The following PLCD3 variants were observed in gnomAD, a reference collection of about 807,000 sequenced individuals.
PLCD3 encodes 1-phosphatidylinositol 4,5-bisphosphate phosphodiesterase delta-3.
PLCD3 carries 62 observed loss-of-function variants against 82.8 expected under a neutral mutation model. The ratio of observed to expected loss-of-function variants is 0.75; its 90% CI spans 0.61 to 0.93. PLCD3 has a LOEUF of 0.93. PLCD3 is among the 40% of genes least tolerant of loss of function. The pLI is 0.00. For missense variants in PLCD3, 1,023 were observed against 1,103.4 expected, an observed-to-expected ratio of 0.93 and a Z score of 1.03; for synonymous variants, 478 against 471.8, an observed-to-expected ratio of 1.01 and a Z score of -0.17.
chr17:45,115,371 C>T lies in PLCD3; in HGVS notation c.1533G>A (p.Glu511=). The T allele has an allele frequency of 3.2e-6, 5 of 1,585,300 alleles. No homozygotes were observed. The highest frequency in any genetic ancestry group is 4.3e-6 in the Non-Finnish European group (5 of 1,167,052). The change falls in exon 9 of 15, where the codon GAG becomes GAA. Residue 511 remains glutamate, a synonymous_variant. Transcript: ENST00000619929. ...GCCGCCTCTGCGCTGCAGCCTCCAC[C>T]TCCTCTTCTTCCTCCTCGTCATCCT... ...EEEDDEEEEE[E]VEAAAQRRLA...
Position 45,118,761 on chromosome 17 carries a change from G to C in PLCD3, c.913+54C>G. 1 of 1,543,294 alleles carries C rather than the reference G, an allele frequency of 6.5e-7. No individual in the cohort carries two copies. The highest frequency in any genetic ancestry group is 1.8e-5 in the Admixed American group (1 of 54,204). ...GCCAGCCCGCAGCAGAACCCGCTTA[G>C]CTGGGAACACAGCCCTTTCAGGTGC... is the stretch of plus-strand genomic sequence containing the variant. On this transcript the variant is annotated intron_variant, in intron 5 of 14. Transcript: ENST00000619929. This position sits in a 1 kb window ranked among gnomAD's most constrained non-coding sequence, Gnocchi z 4.1.
At chr17:45,114,459 C>G (rs571221995) in intron 10 of PLCD3, 93 bp from the exon 11 acceptor site, 1 of 965,540 alleles carries the variant, frequency 1.0e-6, no homozygotes. Context: ...AGCCCAAGCC[C>G]GTCCCCAGGT....
At chr17:45,115,018 C>G in intron 10 of PLCD3, 76 bp downstream of exon 10, 1 of 1,520,426 alleles carries the variant, frequency 6.6e-7, no homozygotes, top group Non-Finnish European at 8.8e-7. Context: ...CCAAAGCCCC[C>G]TCAACTCCTT....
chr17:45,112,743 C>T, intron 14 of PLCD3, 39 bp from the exon 15 acceptor site: 1 of 1,592,220 alleles, frequency 6.3e-7, no homozygotes, highest in Non-Finnish European at 8.6e-7. Context: ...CCTCTGTGCA[C>T]CCTGGGGGTC....
In PLCD3 at chr17:45,110,607, C is replaced by G. The variant is rs1466296331; in HGVS notation, c.*2009G>C. 6.6e-6 allele frequency: 1 copy of G among 152,232 alleles called. No homozygotes were observed. 9.4% of individuals were successfully genotyped at this position (152,232 alleles called of 1,614,324 possible). Reference sequence around the variant, plus strand: ...CTGGTGCTCACCTGACCCAGACCCCCCAGCCAGCCCCTGGCCAGACCTGGC... The same window carrying G: ...CTGGTGCTCACCTGACCCAGACCCCGCAGCCAGCCCCTGGCCAGACCTGGC... On this transcript the variant is annotated 3_prime_UTR_variant, in exon 15 of 15. Transcript: ENST00000619929.
chr17:45,120,966 C>T lies in PLCD3; in HGVS notation c.490G>A (p.Val164Met), dbSNP rs994997997. 7 of 1,521,898 alleles carry T rather than the reference C, an allele frequency of 4.6e-6. No individual in the cohort carries two copies. The highest frequency in any genetic ancestry group is 6.1e-6 in the Non-Finnish European group (7 of 1,141,788). 94.3% of individuals were successfully genotyped at this position (1,521,898 alleles called of 1,614,324 possible). Residue 164 changes from valine (V) to methionine (M), a missense_variant, in exon 3 of 15, where the codon GTG (valine) becomes ATG (methionine). Around this residue, in one of 3 missense-constraint regions of PLCD3, gnomAD observed 448 missense variants for 406.3 expected, o/e 1.10. Coordinates refer to ENST00000619929, the MANE Select transcript of PLCD3 (RefSeq NM_133373.5). Reference sequence around the variant, plus strand: ...GCGCGGAGCTTGGTCAGACCGCGCACCCAGCGCTGCGCTTCCTCAGCCGTG... The same window carrying T: ...GCGCGGAGCTTGGTCAGACCGCGCATCCAGCGCTGCGCTTCCTCAGCCGTG... ...APTAEEAQRW[V>M]RGLTKLRARL...
Position 45,109,650 on chromosome 17 carries a change from GCCC to G in PLCD3, c.*2963_*2965del, listed in dbSNP as rs1006625203. 1.3e-5 allele frequency: 2 copies of G among 152,382 alleles called. No homozygotes were observed. Among genetic ancestry groups the G allele is most frequent in the African/African-American group, 4.8e-5 (2 of 41,426 alleles). The allele number at this position is 152,382 out of a possible 1,614,324, so 9.4% of individuals were successfully genotyped here. A position where few individuals can be genotyped will look rare whatever the true frequency, so the allele number is the denominator to read the frequency against. ...ACAGGACCTGCCTGACCCCTCTAAA[GCCC>G]CCCAACCCTCCTGTCCCAAACCAAG... On this transcript the variant is annotated 3_prime_UTR_variant, in exon 15 of 15. Coordinates refer to ENST00000619929, the MANE Select transcript of PLCD3 (RefSeq NM_133373.5).
Position 45,113,006 on chromosome 17 carries a change from T to C in PLCD3, c.2138A>G (p.Asn713Ser). 2 of 1,605,172 alleles carry C rather than the reference T, an allele frequency of 1.2e-6. No individual in the cohort carries two copies. The highest frequency in any genetic ancestry group is 2.2e-5 in the East Asian group (1 of 44,770). ...CTGCAGGGTCTGCCCCCAGCGGGGGTTGAAGCCTAGGGCACAGGGATGGCA... is the reference window on the plus strand; with the variant it reads ...CTGCAGGGTCTGCCCCCAGCGGGGGCTGAAGCCTAGGGCACAGGGATGGCA... ...ETDYVLNNGF[N>S]PRWGQTLQFQ... The change falls in exon 14 of 15, where the codon AAC becomes AGC. Residue 713 changes from asparagine to serine, a missense_variant. By Grantham distance (46) the Asn-to-Ser change is conservative. Transcript: ENST00000619929.
At position 45,115,357 on chromosome 17, in the gene PLCD3, G is replaced by A. The variant is rs767836285; in HGVS notation, c.1547C>T (p.Ala516Val). 2.6e-6 allele frequency: 4 copies of A among 1,536,506 alleles called. No homozygotes were observed. Among genetic ancestry groups the A allele is most frequent in the East Asian group, 2.4e-5 (1 of 41,338 alleles). Residue 516 changes from alanine (A) to valine (V), a missense_variant, in exon 9 of 15, where the codon GCG becomes GTG. By Grantham distance (64) the Ala-to-Val change is moderately conservative (BLOSUM62 0). Transcript: ENST00000619929. ...CCCAGCTCTCACCAGCCGCCTCTGC[G>A]CTGCAGCCTCCACCTCCTCTTCTTC... Reference protein sequence around the residue: ...EEEEEEVEAAAQRRLAKQISP... With the variant: ...EEEEEEVEAAVQRRLAKQISP...
At chr17:45,131,491 G>A (rs2054445957) in intron 1 of PLCD3, among the ~76,000 whole-genome samples, 1 of 152,228 alleles carries the variant, frequency 6.6e-6, no homozygotes, top group African/African-American at 2.4e-5. Flanking sequence ...CCACCGGGGT[G>A]CCAGTCACAC....
At position 45,118,556 on chromosome 17, in the gene PLCD3, C is replaced by T. The variant is rs371570382; in HGVS notation, c.914-64G>A. On this transcript the variant is annotated intron_variant, in intron 5 of 14. Coordinates refer to ENST00000619929, the MANE Select transcript of PLCD3 (RefSeq NM_133373.5). This position sits in a 1 kb window ranked among gnomAD's most constrained non-coding sequence, Gnocchi z 4.1. ...GATCCCCCATGTCCAGCTTCCAATG[C>T]CCCCAAGGCCCACTCAGCTTAGGAA... The T allele has an allele frequency of 7.7e-6, 12 of 1,551,870 alleles. No individual in the cohort carries two copies. Among genetic ancestry groups the T allele is most frequent in the African/African-American group, 4.1e-5 (3 of 73,766 alleles).
intron 1 of PLCD3, among the ~76,000 whole-genome samples, chr17:45,124,222 C>T (rs888597214): frequency 3.9e-5 from 6 of 152,202 alleles, no homozygotes; most frequent in Non-Finnish European, 8.8e-5. Context: ...GGTGAGTCAC[C>T]GGGGCCTGCT....
At chr17:45,129,256 C>A (rs1189362186) in intron 1 of PLCD3, 1 of 152,270 alleles carries the variant, frequency 6.6e-6, no homozygotes, top group Non-Finnish European at 1.5e-5. Flanking sequence ...GAGTTCAAGA[C>A]CAGCCTGGAC....
Position 45,118,454 on chromosome 17 carries a change from T to C in PLCD3, c.952A>G (p.Met318Val). The C allele has an allele frequency of 1.9e-6, 3 of 1,613,928 alleles. No individual in the cohort carries two copies. Among genetic ancestry groups the C allele is most frequent in the African/African-American group, 1.3e-5 (1 of 75,014 alleles). The change falls in exon 6 of 15, where the codon ATG (methionine) becomes GTG (valine). Residue 318 changes from methionine (M) to valine (V), a missense_variant. Met to Val is a conservative substitution (Grantham distance 21, BLOSUM62 1). Coordinates refer to ENST00000619929, the MANE Select transcript of PLCD3 (RefSeq NM_133373.5). This position sits in a 1 kb window ranked among gnomAD's most constrained non-coding sequence, Gnocchi z 4.1. ...HELMTLDGFM[M>V]YLLSPEGAAL... ...GCCCCCTCCGGCGACAACAGGTACA[T>C]CATGAAGCCATCCAGTGTCATCAGC...
At chr17:45,119,612 T>C (rs1317226465) in intron 4 of PLCD3, among the ~76,000 whole-genome samples, 1 of 152,178 alleles carries the variant, frequency 6.6e-6, no homozygotes, top group Non-Finnish European at 1.5e-5. Flanking sequence ...GGAATCAAGA[T>C]GTGGAAGGAA....
chr17:45,115,994 G>A (rs569105526), intron 8 of PLCD3, among the ~76,000 whole-genome samples: 5 of 152,200 alleles, frequency 3.3e-5, no homozygotes, highest in Non-Finnish European at 5.9e-5. Flanking sequence ...GTACAGCTCA[G>A]TTTTCTTTTA....
intron 7 of PLCD3, 146 bp downstream of exon 7, chr17:45,117,848 G>A: frequency 1.9e-6 from 2 of 1,080,968 alleles, no homozygotes; most frequent in East Asian, 2.6e-5. Context: ...CACCCCATTG[G>A]CCACTTATCC....
rs766827336 is a variant in PLCD3 at position 45,115,477 on chromosome 17, C to T, written c.1427G>A (p.Arg476Gln). ...CAACTTCTTTCCCTTCACCAGGACC[C>T]GGCCCTTCAGCTGCTGTGGGGGCCA... Reference protein sequence around the residue: ...ELPSPEQLKGRVLVKGKKLPA... With the variant: ...ELPSPEQLKGQVLVKGKKLPA... The change falls in exon 9 of 15, where the codon CGG becomes CAG. Residue 476 changes from arginine (R) to glutamine (Q), a missense_variant. By Grantham distance (43) the Arg-to-Gln change is conservative (BLOSUM62 1). Coordinates refer to ENST00000619929, the MANE Select transcript of PLCD3 (RefSeq NM_133373.5). 3.4e-5 allele frequency: 55 copies of T among 1,610,058 alleles called. No individual in the cohort carries two copies. Among genetic ancestry groups the T allele is most frequent in the Middle Eastern group, 1.6e-4 (1 of 6,082 alleles).
At chr17:45,115,580 G>C (rs777088129) in intron 8 of PLCD3, 90 bp from the exon 9 acceptor site, 25 of 1,187,608 alleles carry the variant, frequency 2.1e-5, no homozygotes, top group Non-Finnish European at 3.0e-5. Context: ...GCCTTGTGAG[G>C]GGCTGGCTAG....
Sources: gnomAD v4.1 joint callset for allele counts (sites outside exome capture counted in the v4.1 genomes callset) on GRCh38, gnomAD v4.1.1 for gene constraint, gnomAD v4.1.1 regional missense constraint, Gnocchi (gnomAD v3.1) non-coding constraint, MANE v1.5 for transcripts, NCBI Gene and HGNC (gene_info 2026-07-23, HGNC 2026-07-21) for gene names.